The following LRRC28 variants were observed in gnomAD, a reference collection of about 807,000 sequenced individuals.
LRRC28 encodes the protein leucine rich repeat containing 28.
Under a neutral mutation model 45.7 loss-of-function variants are expected in LRRC28, and 39 were observed. The observed-to-expected ratio is 0.85, with a 90% CI of 0.66 to 1.12. The LOEUF is 1.12. Among genes scored for constraint, LRRC28 ranks in the 50% most tolerant of loss-of-function variants. LRRC28 has a pLI of 0.00. For synonymous variants in LRRC28, 206 were observed against 178.8 expected (o/e 1.15, Z -1.22); for missense variants, 435 against 438.5 (o/e 0.99, Z 0.07).
intron 5 of LRRC28, among the ~76,000 whole-genome samples, chr15:99,308,687 A>G (rs917732168): frequency 1.6e-4 from 25 of 152,204 alleles, no homozygotes; most frequent in African/African-American, 4.8e-4. Flanking sequence ...AAATAAATAA[A>G]TGAATAAATA....
intron 5 of LRRC28, among the ~76,000 whole-genome samples, chr15:99,317,021 G>C (rs761292033): frequency 1.6e-4 from 24 of 151,372 alleles, no homozygotes; most frequent in African/African-American, 4.4e-4. Flanking sequence ...TTTTGGAGAG[G>C]TGGGGAAGGT....
intron 3 of LRRC28, among the ~76,000 whole-genome samples, chr15:99,282,451 G>A (rs1397239417): frequency 6.6e-6 from 1 of 152,104 alleles, no homozygotes; most frequent in Non-Finnish European, 1.5e-5. Context: ...GTCATGCACA[G>A]CATAATTATG....
At chr15:99,330,333 G>A (rs2152289296) in intron 5 of LRRC28, among the ~76,000 whole-genome samples, 1 of 152,150 alleles carries the variant, frequency 6.6e-6, no homozygotes. Context: ...TGAGAGTAAT[G>A]TATTAAACTC....
intron 5 of LRRC28, among the ~76,000 whole-genome samples, chr15:99,313,730 T>A (rs115167315): frequency 0.014 from 2,100 of 152,312 alleles, 47 homozygotes; most frequent in African/African-American, 0.048. Flanking sequence ...TTTTCCTGTA[T>A]GTAGAATTCT....
At chr15:99,333,507 A>C (rs938251259) in intron 5 of LRRC28, 3 of 184,216 alleles carry the variant, frequency 1.6e-5, no homozygotes, top group African/African-American at 7.1e-5. Context: ...GCTATTATTC[A>C]TAAATCTCCT....
intron 9 of LRRC28, among the ~76,000 whole-genome samples, chr15:99,385,291 A>G (rs1957948953): frequency 6.6e-6 from 1 of 152,366 alleles, no homozygotes; most frequent in South Asian, 2.1e-4. Context: ...CCTGGGCCAC[A>G]GGGAAAGGCG....
rs1234266316 is a variant in LRRC28 at position 99,365,039 on chromosome 15, G to A, written c.1031+1774G>A. ...TATGAAAATGTAAACAAAATGATAG[G>A]GTCAGGATGCTCAGTAGCCAATCAA... On this transcript the variant is annotated intron_variant, in intron 9 of 9. Transcript: ENST00000301981. Among the ~76,000 whole-genome samples the A allele has an allele frequency of 2.0e-5, 3 of 151,986 alleles. No homozygotes were observed. In the East Asian group the frequency reaches 5.8e-4, roughly 29 times the overall value.
chr15:99,328,869 T>G (rs1367373201), intron 5 of LRRC28, among the ~76,000 whole-genome samples: 1 of 151,346 alleles, frequency 6.6e-6, no homozygotes, highest in African/African-American at 2.4e-5. Flanking sequence ...AAACTGAGAG[T>G]TGCATCATTG....
intron 6 of LRRC28, among the ~76,000 whole-genome samples, chr15:99,335,301 A>G (rs562322854): frequency 2.1e-4 from 32 of 152,336 alleles, no homozygotes; most frequent in African/African-American, 7.7e-4. Context: ...GACCTGGAGT[A>G]AGTCACCAGA....
At chr15:99,328,970 T>A (rs1038651869) in intron 5 of LRRC28, among the ~76,000 whole-genome samples, 1 of 151,982 alleles carries the variant, frequency 6.6e-6, no homozygotes, top group African/African-American at 2.4e-5. Context: ...TCATGGGACT[T>A]CTCATACATG....
intron 9 of LRRC28, chr15:99,363,481 A>G: frequency 4.6e-6 from 2 of 438,154 alleles, no homozygotes; most frequent in Non-Finnish European, 8.1e-6. Flanking sequence ...GGACAGTTTT[A>G]TTGTATATAT....
chr15:99,264,023 A>G (rs1245333794), intron 2 of LRRC28, among the ~76,000 whole-genome samples: 1 of 152,256 alleles, frequency 6.6e-6, no homozygotes, highest in Non-Finnish European at 1.5e-5. Flanking sequence ...GCTCAGGGCC[A>G]CAAAGAAAAT....
intron 6 of LRRC28, among the ~76,000 whole-genome samples, chr15:99,344,302 A>G (rs1487736367): frequency 1.3e-5 from 2 of 152,006 alleles, no homozygotes; most frequent in Non-Finnish European, 2.9e-5. Context: ...CCTTCATGTC[A>G]GGAAGCAGTT....
chr15:99,325,089 ATCT>A (rs1211637239), intron 5 of LRRC28, among the ~76,000 whole-genome samples: 2 of 152,084 alleles, frequency 1.3e-5, no homozygotes, highest in Non-Finnish European at 2.9e-5. Flanking sequence ...GTTTATTTAG[ATCT>A]TCTTTAATTT....
At chr15:99,251,893 T>G (rs575687362) in intron 1 of LRRC28, 1 of 152,354 alleles carries the variant, frequency 6.6e-6, no homozygotes, top group South Asian at 2.1e-4. Context: ...AAAATAGCCT[T>G]TTACAAATGC....
chr15:99,366,082 G>T (rs1320518892), intron 9 of LRRC28, among the ~76,000 whole-genome samples: 2 of 152,168 alleles, frequency 1.3e-5, no homozygotes, highest in Admixed American at 6.5e-5. Flanking sequence ...TTTTTCAGGG[G>T]CATTGGGTTA....
At chr15:99,346,909 T>G (rs767115420) in intron 6 of LRRC28, among the ~76,000 whole-genome samples, 8 of 152,166 alleles carry the variant, frequency 5.3e-5, no homozygotes, top group Admixed American at 1.3e-4. Context: ...TTAAGTAAAT[T>G]TTATTATGTA....
At chr15:99,262,530 T>C (rs1472126627) in intron 2 of LRRC28, among the ~76,000 whole-genome samples, 1 of 152,182 alleles carries the variant, frequency 6.6e-6, no homozygotes, top group African/African-American at 2.4e-5. Context: ...TGCAGTGAGC[T>C]GCAATTGTGC....
At chr15:99,257,964 T>C (rs762408414) in intron 2 of LRRC28, 1 of 799,556 alleles carries the variant, frequency 1.3e-6, no homozygotes, top group Non-Finnish European at 2.3e-6. Flanking sequence ...TTAGTTAAGA[T>C]AAGGCTGATA....
Sources: allele counts gnomAD v4.1 joint callset (sites outside exome capture counted in the v4.1 genomes callset), GRCh38; gene constraint gnomAD v4.1.1; transcripts MANE v1.5; gene names NCBI Gene and HGNC (gene_info 2026-07-23, HGNC 2026-07-21).